The following CDH12 variants were observed in gnomAD, a reference collection of about 807,000 sequenced individuals.
The protein encoded by CDH12 is cadherin-12.
In CDH12, 41 loss-of-function variants were observed where a neutral mutation model predicts 74.1. That is an observed-to-expected ratio of 0.55 (90% CI 0.43 to 0.72). The LOEUF is 0.72. CDH12 is among the 30% of genes least tolerant of loss of function. The pLI is 0.00. For synonymous variants in CDH12, 399 were observed against 355.0 expected, an observed-to-expected ratio of 1.12 and a Z score of -1.39; for missense variants, 945 against 977.2, an observed-to-expected ratio of 0.97 and a Z score of 0.44.
At chr5:22,515,751 A>G (rs1353487302) in intron 1 of CDH12, among the ~76,000 whole-genome samples, 1 of 152,132 alleles carries the variant, frequency 6.6e-6, no homozygotes, top group East Asian at 1.9e-4. Context: ...TACAAAAGGC[A>G]ATTCTATGTA....
intron 1 of CDH12, among the ~76,000 whole-genome samples, chr5:22,551,757 T>A (rs2126734463): frequency 6.7e-6 from 1 of 150,362 alleles, no homozygotes. Context: ...ATAATTGTTG[T>A]TTATTTAAAA....
intron 6 of CDH12, among the ~76,000 whole-genome samples, chr5:21,871,590 G>A (rs1751623788): frequency 6.6e-6 from 1 of 152,104 alleles, no homozygotes; most frequent in African/African-American, 2.4e-5. Context: ...AAAATTAGCT[G>A]GGCGTGGTGG....
rs542423755 is a variant in CDH12 at position 22,823,127 on chromosome 5, G to C, written c.-523+29931C>G. Reference sequence around the variant, plus strand: ...AAACCATCATTCTCAGCAAACTATCGCAAGGACAAAAAACCAAACACCGCA... The same window carrying C: ...AAACCATCATTCTCAGCAAACTATCCCAAGGACAAAAAACCAAACACCGCA... On this transcript the variant is annotated intron_variant, in intron 1 of 14. Coordinates refer to ENST00000382254, the MANE Select transcript of CDH12 (RefSeq NM_004061.5). Among the ~76,000 whole-genome samples the C allele has an allele frequency of 2.3e-4, 35 of 150,810 alleles. No individual in the cohort carries two copies. The East Asian group carries it at 6.1e-3, about 26-fold the overall frequency.
intron 14 of CDH12, among the ~76,000 whole-genome samples, chr5:21,753,062 C>T (rs897828567): frequency 1.3e-5 from 2 of 152,144 alleles, no homozygotes; most frequent in Non-Finnish European, 2.9e-5. Context: ...TTTATTTCTA[C>T]TATGCATGAA....
intron 3 of CDH12, among the ~76,000 whole-genome samples, chr5:22,282,361 A>G (rs1736925652): frequency 6.6e-6 from 1 of 152,198 alleles, no homozygotes; most frequent in Admixed American, 6.5e-5. Context: ...AAAACACCAA[A>G]AGCAATGGCA....
At chr5:22,741,416 C>T (rs574526554) in intron 1 of CDH12, among the ~76,000 whole-genome samples, 19 of 152,186 alleles carry the variant, frequency 1.2e-4, no homozygotes, top group South Asian at 8.3e-4. Context: ...GCATTATATC[C>T]GTTAGGATGC....
At chr5:22,149,076 T>A (rs1045546213) in intron 4 of CDH12, among the ~76,000 whole-genome samples, 1 of 152,186 alleles carries the variant, frequency 6.6e-6, no homozygotes. Context: ...CAAGATCGTG[T>A]CACTGCACTC....
intron 2 of CDH12, among the ~76,000 whole-genome samples, chr5:22,468,085 A>C (rs1333166229): frequency 6.6e-6 from 1 of 152,192 alleles, no homozygotes; most frequent in Non-Finnish European, 1.5e-5. Flanking sequence ...CAATACCCCC[A>C]CCAGTGAAAG....
At chr5:22,456,626 GT>G (rs1282019809) in intron 2 of CDH12, among the ~76,000 whole-genome samples, 1 of 123,108 alleles carries the variant, frequency 8.1e-6, no homozygotes, top group Non-Finnish European at 1.8e-5. Context: ...AAATCTGAAA[GT>G]CTTTGAATGG....
intron 1 of CDH12, among the ~76,000 whole-genome samples, chr5:22,830,703 T>C (rs1736563932): frequency 6.6e-6 from 1 of 151,754 alleles, no homozygotes; most frequent in Non-Finnish European, 1.5e-5. Context: ...GCCTTTAGAA[T>C]TGAATTTCAT....
intron 4 of CDH12, among the ~76,000 whole-genome samples, chr5:22,085,539 A>G (rs2150232331): frequency 6.6e-6 from 1 of 152,208 alleles, no homozygotes; most frequent in South Asian, 2.1e-4. Flanking sequence ...TTAATATTCT[A>G]TGGAGTAATT....
intron 3 of CDH12, among the ~76,000 whole-genome samples, chr5:22,295,938 G>A (rs1019709915): frequency 1.6e-4 from 24 of 151,826 alleles, no homozygotes; most frequent in African/African-American, 1.7e-4. Context: ...AATAAAAATC[G>A]CATCATTTCT....
At chr5:21,943,860 C>T (rs1381224125) in intron 6 of CDH12, among the ~76,000 whole-genome samples, 4 of 151,806 alleles carry the variant, frequency 2.6e-5, no homozygotes, top group African/African-American at 9.7e-5. Flanking sequence ...TAAAACTTGA[C>T]ACGAATGACA....
intron 4 of CDH12, among the ~76,000 whole-genome samples, chr5:22,138,346 T>C (rs1238120346): frequency 2.0e-5 from 3 of 151,672 alleles, no homozygotes; most frequent in Non-Finnish European, 4.4e-5. Flanking sequence ...AATTATATTT[T>C]TTATAATATA....
intron 1 of CDH12, among the ~76,000 whole-genome samples, chr5:22,645,171 T>C (rs913708341): frequency 1.3e-5 from 2 of 152,110 alleles, no homozygotes; most frequent in Admixed American, 6.6e-5. Context: ...ATTATTCTAA[T>C]GGATCTGGGC....
intron 4 of CDH12, among the ~76,000 whole-genome samples, chr5:22,129,301 C>T (rs1746048895): frequency 6.6e-6 from 1 of 152,084 alleles, no homozygotes; most frequent in South Asian, 2.1e-4. Flanking sequence ...CTGAACCAAC[C>T]ACATGGAATT....
At chr5:22,047,022 C>T (rs1034554224) in intron 5 of CDH12, among the ~76,000 whole-genome samples, 6 of 152,192 alleles carry the variant, frequency 3.9e-5, no homozygotes, top group African/African-American at 9.6e-5. Context: ...CTCCCCAACA[C>T]TTTCAAGCCT....
chr5:22,126,242 T>G (rs1166954483), intron 4 of CDH12, among the ~76,000 whole-genome samples: 1 of 152,158 alleles, frequency 6.6e-6, no homozygotes, highest in Non-Finnish European at 1.5e-5. Context: ...ATGTGTTCAG[T>G]CTTTGAGGTC....
At chr5:22,472,902 T>C (rs1458395396) in intron 2 of CDH12, among the ~76,000 whole-genome samples, 1 of 152,090 alleles carries the variant, frequency 6.6e-6, no homozygotes. Context: ...CATATAACAT[T>C]CCCCCTTTGC....
Sources: allele counts gnomAD v4.1 joint callset (sites outside exome capture counted in the v4.1 genomes callset), GRCh38; gene constraint gnomAD v4.1.1; transcripts MANE v1.5; gene names NCBI Gene and HGNC (gene_info 2026-07-23, HGNC 2026-07-21).